Variants in CES5A observed in about 807,000 individuals in gnomAD.
CES5A encodes carboxylesterase 5A.
CES5A carries 67 observed loss-of-function variants against 62.9 expected under a neutral mutation model. That is an observed-to-expected ratio of 1.07 (90% CI 0.88 to 1.31). The LOEUF (loss-of-function observed/expected upper bound fraction) is 1.31, where lower values mean the gene tolerates loss of function less well. Ranked by LOEUF, CES5A falls within the 50% of genes most tolerant of loss-of-function variation. The probability of loss-of-function intolerance (pLI) is 0.00; values close to 1 mark genes in which losing one functional copy is unlikely to be tolerated. For missense variants in CES5A, 748 were observed against 708.5 expected (o/e 1.06, Z -0.63); for synonymous variants, 296 against 280.8 (o/e 1.05, Z -0.54).
At chr16:55,874,185 A>G in intron 1 of CES5A, 148 bp from the exon 2 acceptor site, 2 of 696,970 alleles carry the variant, frequency 2.9e-6, no homozygotes, top group Admixed American at 2.8e-5. Flanking sequence ...CCATGAATCC[A>G]GTTCCATGGC....
At chr16:55,864,556 A>G (rs1328459140) in intron 5 of CES5A, among the ~76,000 whole-genome samples, 3 of 152,338 alleles carry the variant, frequency 2.0e-5, no homozygotes, top group Admixed American at 1.3e-4. Context: ...AAGAAAATCA[A>G]ATTATGTCTG....
At chr16:55,877,866 C>T (rs1402148105), upstream of CES5A, among the ~76,000 whole-genome samples, 1 of 152,196 alleles carries the variant, frequency 6.6e-6, no homozygotes, top group Admixed American at 6.5e-5. Context: ...GCCCAGGTTT[C>T]CTGCCCTCGA....
intron 2 of CES5A, among the ~76,000 whole-genome samples, chr16:55,941,757 C>A (rs146731089): frequency 1.3e-5 from 2 of 152,106 alleles, no homozygotes; most frequent in Non-Finnish European, 2.9e-5. Context: ...GTGGTGTCAG[C>A]AAAAGAACAG....
chr16:55,930,158 A>G (rs2034295507), upstream of CES5A, among the ~76,000 whole-genome samples: 1 of 152,102 alleles, frequency 6.6e-6, no homozygotes, highest in African/African-American at 2.4e-5. Flanking sequence ...CACCTACACC[A>G]AATGTTCCCT....
At chr16:55,849,541 C>T in intron 11 of CES5A, 83 bp downstream of exon 11, 1 of 1,482,884 alleles carries the variant, frequency 6.7e-7, no homozygotes, top group Non-Finnish European at 9.2e-7. Flanking sequence ...TAAATGCCAA[C>T]CCCGAAGTCC....
intron 1 of CES5A, among the ~76,000 whole-genome samples, chr16:55,886,031 C>A (rs1480414441): frequency 1.3e-5 from 2 of 152,234 alleles, no homozygotes; most frequent in African/African-American, 4.8e-5. Context: ...CCGTCCACTG[C>A]CTCATGGCAG....
intron 1 of CES5A, among the ~76,000 whole-genome samples, chr16:55,912,211 C>T (rs879404035): frequency 2.0e-5 from 3 of 152,210 alleles, no homozygotes; most frequent in Non-Finnish European, 2.9e-5. Flanking sequence ...TTCTCGCTGT[C>T]GTCAGTGTCA....
rs13331225 is a variant in CES5A, at chr16:55,913,966, G to T, written c.-256+11357C>A. Reference sequence around the variant, plus strand: ...TGGCAAGCACAGGGTGCCCTGTGCTGCAGAAATCAGAGTCAGATCCACATC... The same window carrying T: ...TGGCAAGCACAGGGTGCCCTGTGCTTCAGAAATCAGAGTCAGATCCACATC... On this transcript the variant is annotated intron_variant, in intron 1 of 12. Coordinates refer to the CES5A transcript ENST00000518005. Among the ~76,000 whole-genome samples the T allele has an allele frequency of 3.8e-3, 573 of 152,300 alleles. 5 individuals are homozygous for T. Among genetic ancestry groups the T allele is most frequent in the African/African-American group, 0.013 (538 of 41,560 alleles).
intron 1 of CES5A, chr16:55,950,028 A>G: frequency 2.8e-6 from 1 of 355,278 alleles, no homozygotes; most frequent in Non-Finnish European, 4.6e-6. Context: ...AATCCATAAC[A>G]GTGTAGGAAA....
chr16:55,927,324 G>A (rs116179581), upstream of CES5A, among the ~76,000 whole-genome samples: 887 of 152,132 alleles, frequency 5.8e-3, 13 homozygotes, highest in African/African-American at 0.016. Context: ...AAAGTAAATA[G>A]ACAACCTACA....
At chr16:55,868,010 G>A (rs747040492) in intron 4 of CES5A, among the ~76,000 whole-genome samples, 6 of 152,228 alleles carry the variant, frequency 3.9e-5, no homozygotes, top group East Asian at 3.9e-4. Context: ...GAGGTTCCTG[G>A]TACACTACTC....
At position 55,865,967 on chromosome 16, in the gene CES5A, C is replaced by T; in HGVS notation, c.701G>A (p.Ser234Asn). 6.2e-7 allele frequency: 1 copy of T among 1,614,172 alleles called. No homozygotes were observed. Among genetic ancestry groups the T allele is most frequent in the Non-Finnish European group, 8.5e-7 (1 of 1,180,042 alleles). Residue 234 changes from serine to asparagine, a missense_variant, in exon 5 of 13, where the codon AGT becomes AAT. Physicochemically the swap from Ser to Asn is conservative, Grantham distance 46. Coordinates refer to ENST00000290567, the MANE Select transcript of CES5A (RefSeq NM_001143685.2). ...ACCACAAAGCAGAGAACTCACAAGA[C>T]TAGAAACACTTATGGCTCCCGCGGA... The part of the protein sequence containing the change: ...GESAGAISVS[S>N]LILSPMAKGL...
chr16:55,863,440 T>A lies in CES5A; in HGVS notation c.718A>T (p.Met240Leu). ...ISVSSLILSP[M>L]AKGLFHKAIM... ...GCTTTGTGGAATAAGCCTTTGGCCA[T>A]GGGAGACAGTATCTGGAGAGAGAAC... The change falls in exon 6 of 13, where the codon ATG becomes TTG. Residue 240 changes from methionine (M) to leucine (L), a missense_variant. Physicochemically the swap from Met to Leu is conservative, Grantham distance 15. Transcript: ENST00000290567. 6.3e-7 allele frequency: 1 copy of A among 1,583,608 alleles called. No individual in the cohort carries two copies. Among genetic ancestry groups the A allele is most frequent in the Non-Finnish European group, 8.7e-7 (1 of 1,153,858 alleles).
At chr16:55,877,812 G>T (rs1204408430), upstream of CES5A, among the ~76,000 whole-genome samples, 1 of 152,164 alleles carries the variant, frequency 6.6e-6, no homozygotes, top group African/African-American at 2.4e-5. Context: ...TAGGATTACT[G>T]GTCCAATATC....
chr16:55,949,938 G>T, intron 1 of CES5A: 1 of 944,360 alleles, frequency 1.1e-6, no homozygotes, highest in Non-Finnish European at 1.5e-6. Context: ...AATAAACATT[G>T]ATGATAACAA....
intron 4 of CES5A, among the ~76,000 whole-genome samples, chr16:55,867,662 G>A (rs1386637518): frequency 6.6e-6 from 1 of 152,142 alleles, no homozygotes; most frequent in Non-Finnish European, 1.5e-5. Flanking sequence ...TTTATCCTGA[G>A]AAGCATTATA....
intron 1 of CES5A, among the ~76,000 whole-genome samples, chr16:55,904,217 C>T (rs1347521057): frequency 1.3e-5 from 2 of 152,196 alleles, no homozygotes; most frequent in African/African-American, 2.4e-5. Context: ...GGCATGATCA[C>T]GAAAGAGACC....
intron 2 of CES5A, among the ~76,000 whole-genome samples, chr16:55,936,609 C>G (rs76714732): frequency 0.03 from 4,608 of 152,234 alleles, 250 homozygotes; most frequent in African/African-American, 0.11. Context: ...GTAGTAGGTG[C>G]TCCTCTAATC....
intron 1 of CES5A, among the ~76,000 whole-genome samples, chr16:55,906,307 C>G (rs2034039734): frequency 6.6e-6 from 1 of 152,180 alleles, no homozygotes; most frequent in Non-Finnish European, 1.5e-5. Flanking sequence ...ACTCATTTTT[C>G]TGCAATTACT....
Sources: allele counts gnomAD v4.1 joint callset (sites outside exome capture counted in the v4.1 genomes callset), GRCh38; gene constraint gnomAD v4.1.1; transcripts MANE v1.5; gene names NCBI Gene and HGNC (gene_info 2026-07-23, HGNC 2026-07-21).